The following SASH1 variants were observed in gnomAD, a reference collection of about 807,000 sequenced individuals.
The protein encoded by SASH1 is SAM and SH3 domain containing 1.
A neutral mutation model predicts 125.2 loss-of-function variants in SASH1; 44 were observed. The ratio of observed to expected loss-of-function variants is 0.35; its 90% CI spans 0.28 to 0.45. The LOEUF (loss-of-function observed/expected upper bound fraction) is 0.45, where lower values mean the gene tolerates loss of function less well. Among genes scored for constraint, SASH1 ranks in the 20% least tolerant of loss-of-function variants. SASH1 has a pLI of 1.00. For synonymous variants in SASH1, 639 were observed against 649.1 expected (o/e 0.98, Z 0.24); for missense variants, 1,426 against 1,614.5 (o/e 0.88, Z 2.00).
chr6:148,206,231 G>C, the SASH1 span, among the ~76,000 whole-genome samples: 6 of 151,718 alleles, frequency 4.0e-5, no homozygotes, highest in South Asian at 2.1e-4. Flanking sequence ...GCTATGCCTA[G>C]AGCACCTGAT....
chr6:148,265,599 G>T, the SASH1 span, among the ~76,000 whole-genome samples: 1 of 152,138 alleles, frequency 6.6e-6, no homozygotes, highest in Non-Finnish European at 1.5e-5. Context: ...TCAGCGTTTT[G>T]CAAACCTTAG....
intron 1 of SASH1, among the ~76,000 whole-genome samples, chr6:148,348,109 C>T (rs1466446912): frequency 3.9e-5 from 6 of 152,094 alleles, no homozygotes; most frequent in Admixed American, 2.0e-4. Context: ...CGAGTTCAAG[C>T]GATTCTCCTG....
At chr6:148,232,136 G>T in the SASH1 span, among the ~76,000 whole-genome samples, 1 of 152,072 alleles carries the variant, frequency 6.6e-6, no homozygotes, top group African/African-American at 2.4e-5. Context: ...TAGAGGAAAA[G>T]AAATTAATAT....
rs141546914 is a variant in SASH1 at position 148,299,012 on chromosome 6, C to T, written n.74+26635C>T. 2.0e-5 allele frequency among the ~76,000 whole-genome samples: 3 copies of T among 152,300 alleles called. No homozygotes were observed. The East Asian group carries it at 5.8e-4, about 29-fold the overall frequency. On this transcript the variant is annotated intron_variant and non_coding_transcript_variant, in intron 1 of 3. Transcript: ENST00000367469. ...TCAGTCAAAATATCATTAAGTAATT[C>T]ACAAATAAAAGCACACAGACAATTT...
upstream of SASH1, among the ~76,000 whole-genome samples, chr6:148,269,446 T>G (rs986854522): frequency 6.6e-6 from 1 of 152,140 alleles, no homozygotes; most frequent in Non-Finnish European, 1.5e-5. Flanking sequence ...ATGTTTCAAA[T>G]AGTTTATAGA....
At chr6:148,293,239 T>C (rs1249283912) in intron 1 of SASH1, among the ~76,000 whole-genome samples, 3 of 152,146 alleles carry the variant, frequency 2.0e-5, no homozygotes, top group Non-Finnish European at 2.9e-5. Flanking sequence ...CCTCTAGATG[T>C]TCTCAGGACC....
At chr6:148,241,406 A>G in the SASH1 span, among the ~76,000 whole-genome samples, 1 of 152,306 alleles carries the variant, frequency 6.6e-6, no homozygotes, top group African/African-American at 2.4e-5. Flanking sequence ...GAAGTCATAC[A>G]TTTTGCAGTT....
chr6:148,249,395 G>A, the SASH1 span, among the ~76,000 whole-genome samples: 2 of 152,234 alleles, frequency 1.3e-5, no homozygotes, highest in South Asian at 2.1e-4. Flanking sequence ...GAGACTTGGA[G>A]GAATTGGGAA....
rs1016516730 is a variant in SASH1, at chr6:148,382,195, C to T, written c.157-7939C>T. Among the ~76,000 whole-genome samples the T allele has an allele frequency of 2.6e-5, 4 of 152,266 alleles. No homozygotes were observed. The East Asian group carries it at 7.7e-4, about 29-fold the overall frequency. On this transcript the variant is annotated intron_variant, in intron 1 of 19. Coordinates refer to ENST00000367467, the MANE Select transcript of SASH1 (RefSeq NM_015278.5). ...GCAGCTTCCACATGGTGTCACTGAT[C>T]TGCTGGCTTACCTTGCTGGCATGAG...
chr6:148,215,222 G>A, the SASH1 span, among the ~76,000 whole-genome samples: 3 of 152,058 alleles, frequency 2.0e-5, no homozygotes, highest in African/African-American at 4.8e-5. Context: ...AATTGCTTTC[G>A]GCCTAAAACC....
rs74734810 is a variant in SASH1 at position 148,320,181 on chromosome 6, T to C, written n.74+47804T>C. Among the ~76,000 whole-genome samples, 29 of 152,346 alleles carry C rather than the reference T, an allele frequency of 1.9e-4. No homozygotes were observed. The East Asian group carries it at 4.4e-3, about 23-fold the overall frequency. On this transcript the variant is annotated intron_variant and non_coding_transcript_variant, in intron 1 of 3. Coordinates refer to the SASH1 transcript ENST00000367469. ...TATCTATAGGGTTCAGCACCATCCA[T>C]GGTTTCAGGAATTCACTGGGGGTTG...
chr6:148,387,728 C>T (rs1374162333), intron 1 of SASH1, among the ~76,000 whole-genome samples: 1 of 144,604 alleles, frequency 6.9e-6, no homozygotes, highest in Admixed American at 7.1e-5. Flanking sequence ...TCTTTCCATT[C>T]TTTCTTTTCT....
chr6:148,510,160 A>C (rs751773785), intron 8 of SASH1, among the ~76,000 whole-genome samples: 3 of 152,250 alleles, frequency 2.0e-5, no homozygotes, highest in Non-Finnish European at 4.4e-5. Context: ...CCACAGAATT[A>C]CTACATATAG....
At chr6:148,227,254 A>C in the SASH1 span, among the ~76,000 whole-genome samples, 1 of 152,262 alleles carries the variant, frequency 6.6e-6, no homozygotes, top group African/African-American at 2.4e-5. Flanking sequence ...TTAGAAGGTA[A>C]ATTCCTGGAG....
Position 148,549,228 on chromosome 6 carries a change from G to A in SASH1, c.*670G>A. 1 of 183,466 alleles carries A rather than the reference G, an allele frequency of 5.5e-6. No individual in the cohort carries two copies. Among genetic ancestry groups the A allele is most frequent in the Non-Finnish European group, 1.1e-5 (1 of 89,196 alleles). The allele number at this position is 183,466 out of a possible 1,614,324, so 11.4% of individuals were successfully genotyped here. Reference sequence around the variant, plus strand: ...CCATACTTCCACATCTTCAGCTTAGGCAGACATCGAACCTCTCTGGGATGT... The same window carrying A: ...CCATACTTCCACATCTTCAGCTTAGACAGACATCGAACCTCTCTGGGATGT... On this transcript the variant is annotated 3_prime_UTR_variant, in exon 20 of 20. Coordinates refer to ENST00000367467, the MANE Select transcript of SASH1 (RefSeq NM_015278.5).
At chr6:148,347,379 T>C (rs1222726507) in intron 1 of SASH1, among the ~76,000 whole-genome samples, 3 of 152,172 alleles carry the variant, frequency 2.0e-5, no homozygotes, top group African/African-American at 7.2e-5. Context: ...ATAGAGATAC[T>C]CCGAACCTTC....
intron 8 of SASH1, among the ~76,000 whole-genome samples, chr6:148,502,345 G>C (rs1779591320): frequency 6.6e-6 from 1 of 151,308 alleles, no homozygotes. Flanking sequence ...TGACTCCTTT[G>C]TGATAAAAGA....
chr6:148,455,564 T>C (rs952410654), intron 4 of SASH1, among the ~76,000 whole-genome samples: 4 of 152,134 alleles, frequency 2.6e-5, no homozygotes, highest in African/African-American at 9.7e-5. Flanking sequence ...CAGGGTCCAC[T>C]TGGAGTGAGT....
intron 4 of SASH1, among the ~76,000 whole-genome samples, chr6:148,451,723 T>C (rs1777109027): frequency 6.6e-6 from 1 of 152,168 alleles, no homozygotes; most frequent in Non-Finnish European, 1.5e-5. Context: ...AATATTGTGA[T>C]TTAGAAAATC....
Sources: allele counts gnomAD v4.1 joint callset (sites outside exome capture counted in the v4.1 genomes callset), GRCh38; gene constraint gnomAD v4.1.1; transcripts MANE v1.5; gene names NCBI Gene and HGNC (gene_info 2026-07-23, HGNC 2026-07-21).